The following TMEM245 variants were observed in gnomAD, a reference collection of about 807,000 sequenced individuals.
TMEM245 encodes the protein transmembrane protein 245.
In TMEM245, 69 loss-of-function variants were observed where a neutral mutation model predicts 101.2. The ratio of observed to expected loss-of-function variants is 0.68; its 90% confidence interval spans 0.56 to 0.83. The LOEUF (loss-of-function observed/expected upper bound fraction) is 0.83, where lower values mean the gene tolerates loss of function less well. Among genes scored for constraint, TMEM245 ranks in the 40% least tolerant of loss-of-function variants. The pLI, the probability that TMEM245 is intolerant of heterozygous loss-of-function variation, is 0.00. For missense variants in TMEM245, 1,075 were observed against 1,092.8 expected (o/e 0.98, Z 0.23); for synonymous variants, 537 against 449.8 (o/e 1.19, Z -2.45).
chr9:109,050,404 A>T lies in TMEM245; in HGVS notation c.2002T>A (p.Tyr668Asn). 1 of 1,614,126 alleles carries T rather than the reference A, an allele frequency of 6.2e-7. No individual in the cohort carries two copies. Among genetic ancestry groups the T allele is most frequent in the Non-Finnish European group, 8.5e-7 (1 of 1,180,028 alleles). ...SLIIFLTTLF[Y>N]LLSSSDEYYK... Reference sequence around the variant, plus strand: ...TACTCATCACTGGAACTTAATAGATAAAATAGTGTGGTCAGGAAAATTATC... The same window carrying T: ...TACTCATCACTGGAACTTAATAGATTAAATAGTGTGGTCAGGAAAATTATC... The change falls in exon 14 of 18, where the codon TAT (tyrosine) becomes AAT (asparagine). Residue 668 changes from tyrosine to asparagine, a missense_variant. This residue lies in a region of TMEM245 where 267 missense variants were observed against 351.3 expected (regional missense o/e 0.76). Transcript: ENST00000374586.
intron 17 of TMEM245, among the ~76,000 whole-genome samples, chr9:109,023,212 T>C (rs559495218): frequency 6.6e-6 from 1 of 152,290 alleles, no homozygotes; most frequent in South Asian, 2.1e-4. Flanking sequence ...GTTAGGGTGA[T>C]TGATGGAGGG....
At chr9:109,036,478 C>T (rs1175541381) in intron 15 of TMEM245, 98 bp from the exon 16 acceptor site, 7 of 1,168,002 alleles carry the variant, frequency 6.0e-6, no homozygotes, top group Middle Eastern at 2.1e-4. Context: ...CAACTTCCAA[C>T]AAAACAAGTT....
At chr9:109,032,553 T>C (rs1202968094) in intron 17 of TMEM245, among the ~76,000 whole-genome samples, 3 of 150,458 alleles carry the variant, frequency 2.0e-5, no homozygotes, top group Admixed American at 6.6e-5. Context: ...TCTGGCTAAT[T>C]TTTGGGGTAT....
intron 5 of TMEM245, among the ~76,000 whole-genome samples, chr9:109,089,064 C>T (rs1382373482): frequency 1.3e-5 from 2 of 151,802 alleles, no homozygotes; most frequent in Admixed American, 6.6e-5. Context: ...TTGCTTGAGT[C>T]CAGGAGTTTG....
chr9:109,047,636 G>A (rs1409155656), intron 14 of TMEM245, among the ~76,000 whole-genome samples: 1 of 152,216 alleles, frequency 6.6e-6, no homozygotes, highest in East Asian at 1.9e-4. Flanking sequence ...GACATTTAGA[G>A]GATGGTCTGC....
Position 109,119,774 on chromosome 9 carries a change from T to A in TMEM245, c.140A>T (p.Asp47Val). 6.7e-7 allele frequency: 1 copy of A among 1,489,522 alleles called. No individual in the cohort carries two copies. Among genetic ancestry groups the A allele is most frequent in the South Asian group, 1.3e-5 (1 of 79,206 alleles). The allele number at this position is 1,489,522 out of a possible 1,614,324, so 92.3% of individuals were successfully genotyped here. A position where few individuals can be genotyped will look rare whatever the true frequency, so the allele number is the denominator to read the frequency against. Residue 47 changes from aspartate (D) to valine (V), a missense_variant, in exon 1 of 18, where the codon GAC (aspartate) becomes GTC (valine). Coordinates refer to ENST00000374586, the MANE Select transcript of TMEM245 (RefSeq NM_032012.4). ...PRTAALALRF[D>V]KPIKQAFYNT... ...GTAGAAGGCCTGCTTAATGGGCTTG[T>A]CGAAGCGCAGCGCCAGCGCCGCGGT...
chr9:109,119,293 G>C, intron 1 of TMEM245, 42 bp downstream of exon 1: 1 of 1,506,080 alleles, frequency 6.6e-7, no homozygotes, highest in Non-Finnish European at 8.8e-7. Context: ...CAGAGCGCCG[G>C]GACCACGGGC....
Position 109,033,492 on chromosome 9 carries a change from A to G in TMEM245, c.2409T>C (p.His803=). 1 of 1,596,592 alleles carries G rather than the reference A, an allele frequency of 6.3e-7. No homozygotes were observed. The highest frequency in any genetic ancestry group is 8.5e-7 in the Non-Finnish European group (1 of 1,172,660). Residue 803 remains histidine, a synonymous_variant, in exon 17 of 18, where the codon CAT becomes CAC. Coordinates refer to ENST00000374586, the MANE Select transcript of TMEM245 (RefSeq NM_032012.4). ...CCACTGCCAAGCCTGTCAGGTAAGG[A>G]TGGCCACCTCTGGAATAAAGAGCAC... ...AIYSDISGGG[H]PYLTGLAVAG...
At chr9:109,026,085 C>A (rs1827782766) in intron 17 of TMEM245, among the ~76,000 whole-genome samples, 1 of 152,238 alleles carries the variant, frequency 6.6e-6, no homozygotes. Context: ...CAAGCCCTTT[C>A]AGAGCTCATG....
At chr9:109,076,109 G>A (rs952715377) in intron 8 of TMEM245, among the ~76,000 whole-genome samples, 1 of 152,042 alleles carries the variant, frequency 6.6e-6, no homozygotes, top group Non-Finnish European at 1.5e-5. Context: ...GAAGTATGTT[G>A]CTTAAAAGAC....
chr9:109,046,579 T>C (rs1264750030), intron 14 of TMEM245, among the ~76,000 whole-genome samples: 1 of 152,204 alleles, frequency 6.6e-6, no homozygotes, highest in Non-Finnish European at 1.5e-5. Context: ...ACACTATCAC[T>C]GTCTGGTCAT....
In TMEM245 at chr9:109,087,325, G is replaced by T; in HGVS notation, c.1168C>A (p.Leu390Ile). ...VPIAVWILKK[L>I]VIHFGVVDFL... ...TCCACAACTCCAAAGTGAATGACAA[G>T]CTTTTTGAGTATCCAGACTAAAAAA... The change falls in exon 6 of 18, where the codon CTT becomes ATT. Residue 390 changes from leucine (L) to isoleucine (I), a missense_variant. Leu to Ile is a conservative substitution (Grantham distance 5, BLOSUM62 2). This residue lies in a region of TMEM245 where 808 missense variants were observed against 741.5 expected (regional missense o/e 1.09). Coordinates refer to ENST00000374586, the MANE Select transcript of TMEM245 (RefSeq NM_032012.4). The T allele has an allele frequency of 6.2e-7, 1 of 1,600,974 alleles. No homozygotes were observed. Among genetic ancestry groups the T allele is most frequent in the South Asian group, 1.1e-5 (1 of 88,382 alleles).
At chr9:109,086,124 A>G (rs1829828221) in intron 6 of TMEM245, 104 bp from the exon 7 acceptor site, 40 of 1,234,208 alleles carry the variant, frequency 3.2e-5, no homozygotes, top group Non-Finnish European at 4.5e-5. Flanking sequence ...TGAGAAGGAA[A>G]CCATCCCAGA....
chr9:109,097,969 T>G (rs1397977056), intron 3 of TMEM245, among the ~76,000 whole-genome samples: 1 of 152,158 alleles, frequency 6.6e-6, no homozygotes, highest in Non-Finnish European at 1.5e-5. Flanking sequence ...TAGGAAGTAC[T>G]CAATAAATGT....
At chr9:109,083,921 A>AAAC (rs1829755159) in intron 7 of TMEM245, among the ~76,000 whole-genome samples, 1 of 137,512 alleles carries the variant, frequency 7.3e-6, no homozygotes, top group Non-Finnish European at 1.6e-5. Flanking sequence ...AAAAAAAAAA[A>AAAC]AAAAAAAACA....
intron 14 of TMEM245, among the ~76,000 whole-genome samples, chr9:109,048,285 C>A (rs1828561070): frequency 6.6e-6 from 1 of 152,118 alleles, no homozygotes; most frequent in Non-Finnish European, 1.5e-5. Context: ...GAGAACTTAG[C>A]AAAAGTTCTA....
chr9:109,016,206 T>C lies in TMEM245; in HGVS notation c.*4254A>G, dbSNP rs959542408. ...CCTTTTATAAATTCACAATGTGTAA[T>C]AGCATGTTCAAAACTCTTAGAAGTC... On this transcript the variant is annotated 3_prime_UTR_variant, in exon 18 of 18. Transcript: ENST00000374586. 2.0e-4 allele frequency: 30 copies of C among 152,534 alleles called. No homozygotes were observed. Among genetic ancestry groups the C allele is most frequent in the East Asian group, 1.9e-4 (1 of 5,202 alleles). 9.4% of individuals were successfully genotyped at this position (152,534 alleles called of 1,614,324 possible). A position where few individuals can be genotyped will look rare whatever the true frequency, so the allele number is the denominator to read the frequency against.
chr9:109,043,840 G>A (rs559179153), intron 14 of TMEM245, among the ~76,000 whole-genome samples: 1 of 152,222 alleles, frequency 6.6e-6, no homozygotes, highest in Non-Finnish European at 1.5e-5. Flanking sequence ...TGGAAGGTAG[G>A]CCATCGTGCA....
intron 10 of TMEM245, 110 bp downstream of exon 10, chr9:109,064,367 C>T: frequency 1.1e-6 from 1 of 895,280 alleles, no homozygotes; most frequent in Non-Finnish European, 1.7e-6. Flanking sequence ...TTTATTTAAG[C>T]CTATTTACTG....
Sources: allele counts gnomAD v4.1 joint callset (sites outside exome capture counted in the v4.1 genomes callset), GRCh38; gene constraint gnomAD v4.1.1; regional missense constraint gnomAD v4.1.1; transcripts MANE v1.5; gene names NCBI Gene and HGNC (gene_info 2026-07-23, HGNC 2026-07-21).